The following CROCC2 variants were observed in gnomAD, a reference collection of about 807,000 sequenced individuals.
The protein encoded by CROCC2 is ciliary rootlet coiled-coil, rootletin family member 2, also known as ciliary rootlet coiled-coil protein 2.
Under a neutral mutation model 177.6 loss-of-function variants are expected in CROCC2, and 163 were observed. That is an observed-to-expected ratio of 0.92 (90% confidence interval 0.81 to 1.05). CROCC2 has a LOEUF of 1.05. Ranked by LOEUF, CROCC2 falls within the 50% of genes least tolerant of loss-of-function variation. CROCC2 has a pLI of 0.00. For synonymous variants in CROCC2, 904 were observed against 787.3 expected (o/e 1.15, Z -2.48); for missense variants, 1,929 against 1,797.8 (o/e 1.07, Z -1.32).
chr2:240,986,364 A>G (rs190420338), intron 28 of CROCC2, among the ~76,000 whole-genome samples: 44 of 152,130 alleles, frequency 2.9e-4, no homozygotes, highest in African/African-American at 9.6e-4. Flanking sequence ...AGGCCTCCTC[A>G]TGGCCCCTTG....
At chr2:240,986,696 C>A (rs1308645093) in intron 28 of CROCC2, among the ~76,000 whole-genome samples, 1 of 152,214 alleles carries the variant, frequency 6.6e-6, no homozygotes, top group African/African-American at 2.4e-5. Flanking sequence ...TGGGGGACAG[C>A]CCCTTGTCCC....
At chr2:240,914,993 A>C (rs1183648266) in intron 1 of CROCC2, among the ~76,000 whole-genome samples, 1 of 152,260 alleles carries the variant, frequency 6.6e-6, no homozygotes, top group Non-Finnish European at 1.5e-5. Context: ...GATAAAGCCA[A>C]GACTCGGGTT....
chr2:240,949,310 T>C lies in CROCC2; in HGVS notation c.2482+213T>C, dbSNP rs1208903791. On this transcript the variant is annotated intron_variant, in intron 16 of 31. Transcript: ENST00000690015. The surrounding 1 kb of genome is among the most constrained non-coding windows in gnomAD (Gnocchi z 4.5). ...GCCCAGGCTGCACCTGGTGCCAGCC[T>C]GAGGCTTAGAACTGGGCTCTGGCCA... 2.6e-5 allele frequency: 18 copies of C among 688,404 alleles called. No homozygotes were observed. The highest frequency in any genetic ancestry group is 3.9e-5 in the African/African-American group (2 of 51,328). 42.6% of individuals were successfully genotyped at this position (688,404 alleles called of 1,614,324 possible). A position where few individuals can be genotyped will look rare whatever the true frequency, so the allele number is the denominator to read the frequency against.
rs543168632 is a variant in CROCC2 at position 240,923,113 on chromosome 2, C to T, written c.488+468C>T. 5.9e-5 allele frequency among the ~76,000 whole-genome samples: 9 copies of T among 152,182 alleles called. No homozygotes were observed. In the South Asian group the frequency reaches 1.2e-3, roughly 21 times the overall value. ...AGCAGGGGCTGCTCACCATGGGGGA[C>T]GGGACTGGTGCCAGCCTTCCACGTG... On this transcript the variant is annotated intron_variant, in intron 4 of 31. Transcript: ENST00000690015.
chr2:240,937,458 G>A (rs2059477542), intron 14 of CROCC2, among the ~76,000 whole-genome samples: 2 of 152,138 alleles, frequency 1.3e-5, no homozygotes, highest in Admixed American at 1.3e-4. Flanking sequence ...TTTTCCCCAA[G>A]GTTGTGGCTG....
chr2:240,907,598 A>G (rs1158825573), intron 1 of CROCC2, among the ~76,000 whole-genome samples: 2 of 152,184 alleles, frequency 1.3e-5, no homozygotes, highest in Non-Finnish European at 2.9e-5. Context: ...ACCGAGTGAC[A>G]GGGTAGATGC....
At chr2:240,950,263 C>T (rs1046381010) in intron 17 of CROCC2, 71 bp from the exon 18 acceptor site, 1 of 1,459,220 alleles carries the variant, frequency 6.9e-7, no homozygotes, top group African/African-American at 1.4e-5. Context: ...GGCCAGGTCT[C>T]ACTCAGGACC....
At chr2:240,932,977 G>A (rs2106461374) in intron 9 of CROCC2, 69 bp downstream of exon 9, 1 of 1,520,328 alleles carries the variant, frequency 6.6e-7, no homozygotes, top group East Asian at 2.5e-5. Context: ...TCAGGCTGAA[G>A]GGTAGTTATG....
intron 14 of CROCC2, among the ~76,000 whole-genome samples, chr2:240,938,379 C>T (rs908607576): frequency 1.2e-4 from 18 of 152,136 alleles, no homozygotes; most frequent in African/African-American, 3.4e-4. Flanking sequence ...TGAAAATAAA[C>T]GGATCATATA....
At chr2:240,938,237 C>T (rs138597802) in intron 14 of CROCC2, among the ~76,000 whole-genome samples, 96 of 152,334 alleles carry the variant, frequency 6.3e-4, no homozygotes, top group African/African-American at 2.1e-3. Context: ...TGCACACTAA[C>T]GTGTGAGGAC....
intron 20 of CROCC2, among the ~76,000 whole-genome samples, chr2:240,961,901 C>T (rs558423169): frequency 1.9e-4 from 28 of 147,452 alleles, no homozygotes; most frequent in South Asian, 1.1e-3. Context: ...TACACACACA[C>T]GTAGTGCATG....
Position 240,949,437 on chromosome 2 carries a change from A to T in CROCC2, c.2483-96A>T. The T allele has an allele frequency of 7.0e-7, 1 of 1,418,634 alleles. No individual in the cohort carries two copies. The highest frequency in any genetic ancestry group is 1.4e-5 in the South Asian group (1 of 73,204). The allele number at this position is 1,418,634 out of a possible 1,614,324, so 87.9% of individuals were successfully genotyped here. A position where few individuals can be genotyped will look rare whatever the true frequency, so the allele number is the denominator to read the frequency against. On this transcript the variant is annotated intron_variant, in intron 16 of 31. Coordinates refer to ENST00000690015, the MANE Select transcript of CROCC2 (RefSeq NM_001351305.2). This position sits in a 1 kb window ranked among gnomAD's most constrained non-coding sequence, Gnocchi z 4.5. ...CCCACTCCCGGAGCCTGGAGTGGAC[A>T]GTGCTTGCCCCCAAGACTGTCACTC...
In CROCC2 at chr2:240,950,442, G is replaced by T; in HGVS notation, c.2761G>T (p.Gly921Trp). 1.3e-6 allele frequency: 2 copies of T among 1,550,254 alleles called. No individual in the cohort carries two copies. The highest frequency in any genetic ancestry group is 1.7e-6 in the Non-Finnish European group (2 of 1,146,820). Residue 921 changes from glycine (G) to tryptophan (W), a missense_variant, in exon 18 of 32, where the codon GGG becomes TGG. This residue lies in a region of CROCC2 where 1,397 missense variants were observed against 1,239.9 expected (regional missense o/e 1.13). Transcript: ENST00000690015. ...KSAAEREALK[G>W]EIQSLKQERD... ...TGCAGCTGAGAGGGAGGCTCTGAAG[G>T]GGGAAATTCAGAGCCTGAAGCAGGA...
chr2:240,923,472 C>A (rs1200716127), intron 4 of CROCC2, among the ~76,000 whole-genome samples: 1 of 112,102 alleles, frequency 8.9e-6, no homozygotes, highest in African/African-American at 3.6e-5. Context: ...CTAACCCAGC[C>A]CCCCACACTA....
At chr2:240,914,947 G>A (rs139900562) in intron 1 of CROCC2, among the ~76,000 whole-genome samples, 5 of 152,372 alleles carry the variant, frequency 3.3e-5, no homozygotes, top group East Asian at 3.9e-4. Context: ...TGCCCCAGGC[G>A]CAGGGATGGG....
intron 27 of CROCC2, among the ~76,000 whole-genome samples, chr2:240,975,020 G>A (rs1406694261): frequency 3.3e-5 from 5 of 152,072 alleles, no homozygotes; most frequent in African/African-American, 7.2e-5. Flanking sequence ...TTATGCTCCT[G>A]CTTTGTCAGT....
intron 27 of CROCC2, among the ~76,000 whole-genome samples, chr2:240,975,060 G>C (rs1323373993): frequency 6.6e-6 from 1 of 151,930 alleles, no homozygotes; most frequent in East Asian, 1.9e-4. Context: ...TTTTTGGTTT[G>C]GTTTTGTCTA....
chr2:240,915,999 C>T (rs1030458039), intron 1 of CROCC2, among the ~76,000 whole-genome samples: 4 of 152,174 alleles, frequency 2.6e-5, no homozygotes, highest in Admixed American at 2.0e-4. Flanking sequence ...GCAGAGGCCC[C>T]GGGCGGGAAA....
chr2:240,945,089 A>G (rs2059515287), intron 14 of CROCC2, among the ~76,000 whole-genome samples: 1 of 152,116 alleles, frequency 6.6e-6, no homozygotes, highest in Non-Finnish European at 1.5e-5. Flanking sequence ...GGTGTGTGCC[A>G]TCGTGCCTGG....
Sources: gnomAD v4.1 joint callset for allele counts (sites outside exome capture counted in the v4.1 genomes callset) on GRCh38, gnomAD v4.1.1 for gene constraint, gnomAD v4.1.1 regional missense constraint, Gnocchi (gnomAD v3.1) non-coding constraint, MANE v1.5 for transcripts, NCBI Gene and HGNC (gene_info 2026-07-23, HGNC 2026-07-21) for gene names.